The following ST7 variants were observed in gnomAD, a reference collection of about 807,000 sequenced individuals.
The protein encoded by ST7 is suppressor of tumorigenicity 7 protein.
In ST7, 28 loss-of-function variants were observed where a neutral mutation model predicts 78.7. The observed-to-expected ratio is 0.36, with a 90% CI of 0.26 to 0.49. The LOEUF (loss-of-function observed/expected upper bound fraction) is 0.49. Among genes scored for constraint, ST7 ranks in the 20% least tolerant of loss-of-function variants. The pLI, the probability that ST7 is intolerant of heterozygous loss-of-function variation, is 0.99. For missense variants in ST7, 418 were observed against 696.0 expected (o/e 0.60, Z 4.49); for synonymous variants, 247 against 249.6 (o/e 0.99, Z 0.10).
intron 1 of ST7, chr7:117,022,839 G>A (rs1266996843): frequency 6.6e-6 from 1 of 152,120 alleles, no homozygotes; most frequent in Non-Finnish European, 1.5e-5. Context: ...TGATTTACAT[G>A]CAGTAAAATG....
chr7:117,224,427 C>G (rs1485968200), intron 15 of ST7, among the ~76,000 whole-genome samples: 8 of 152,168 alleles, frequency 5.3e-5, no homozygotes, highest in Non-Finnish European at 1.2e-4. Context: ...TTGTTATTTT[C>G]TTCTACTCCC....
At chr7:117,203,201 C>T (rs1342417309) in intron 12 of ST7, among the ~76,000 whole-genome samples, 2 of 152,212 alleles carry the variant, frequency 1.3e-5, no homozygotes, top group Non-Finnish European at 1.5e-5. Flanking sequence ...CTTTTACAGC[C>T]TACTTTTTCT....
At chr7:116,964,173 T>C (rs977232452) in intron 1 of ST7, among the ~76,000 whole-genome samples, 23 of 152,324 alleles carry the variant, frequency 1.5e-4, no homozygotes, top group Non-Finnish European at 3.2e-4. Context: ...TGACCTAGAT[T>C]TAGAGTTTTG....
intron 1 of ST7, among the ~76,000 whole-genome samples, chr7:117,067,127 T>G (rs1798680521): frequency 6.6e-6 from 1 of 152,158 alleles, no homozygotes; most frequent in African/African-American, 2.4e-5. Context: ...CCATGTTTTA[T>G]TTATCCCTTC....
chr7:117,223,112 T>C (rs1399355766), intron 15 of ST7: 2 of 662,204 alleles, frequency 3.0e-6, no homozygotes, highest in Admixed American at 4.4e-5. Flanking sequence ...ACTCCCCACA[T>C]CCCATCGTCT....
chr7:117,098,337 C>T (rs1025570309), intron 1 of ST7, among the ~76,000 whole-genome samples: 1 of 151,920 alleles, frequency 6.6e-6, no homozygotes, highest in African/African-American at 2.4e-5. Context: ...GTCCTCCCAT[C>T]CCTCCTCCTG....
chr7:117,031,864 ATC>A lies in ST7; in HGVS notation c.152-67896_152-67895del, dbSNP rs1563027220. ...TCTATATCTATATCTATATCTATCTATCTATCTATATATATATATTTTTTTTT... is the reference window on the plus strand; with the variant it reads ...TCTATATCTATATCTATATCTATCTATATCTATATATATATATTTTTTTTT... On this transcript the variant is annotated intron_variant, in intron 1 of 15. Transcript: ENST00000323984. 4.0e-4 allele frequency among the ~76,000 whole-genome samples: 53 copies of A among 131,374 alleles called. 3 individuals carry two copies. The highest frequency in any genetic ancestry group is 9.3e-4 in the African/African-American group (32 of 34,578). The allele number at this position is 131,374 out of a possible 152,430, so 86.2% of individuals were successfully genotyped here.
intron 1 of ST7, among the ~76,000 whole-genome samples, chr7:117,032,662 C>T (rs921531547): frequency 6.6e-5 from 10 of 152,000 alleles, no homozygotes; most frequent in African/African-American, 2.4e-4. Flanking sequence ...AACTTGAAGC[C>T]ATGTTTGATA....
intron 1 of ST7, among the ~76,000 whole-genome samples, chr7:117,012,898 G>A (rs1795444818): frequency 6.6e-6 from 1 of 152,084 alleles, no homozygotes; most frequent in Admixed American, 6.5e-5. Flanking sequence ...ACTATAAGTA[G>A]GTTGTAGGTT....
intron 10 of ST7, among the ~76,000 whole-genome samples, chr7:117,176,616 C>T (rs1006253220): frequency 2.6e-5 from 4 of 152,166 alleles, no homozygotes; most frequent in African/African-American, 9.7e-5. Context: ...ATCATAGTTC[C>T]TTTGAAATGG....
intron 1 of ST7, chr7:116,972,025 G>A (rs562793520): frequency 6.6e-6 from 3 of 451,780 alleles, no homozygotes; most frequent in Non-Finnish European, 1.3e-5. Flanking sequence ...AAAAGACACA[G>A]GGGAGGAGCG....
Position 117,190,665 on chromosome 7 carries a change from T to C in ST7, c.1152-169T>C, listed in dbSNP as rs142507212. Among the ~76,000 whole-genome samples, 238 of 152,302 alleles carry C rather than the reference T, an allele frequency of 1.6e-3. No homozygotes were observed. Among genetic ancestry groups the C allele is most frequent in the African/African-American group, 5.6e-3 (232 of 41,566 alleles). ...ACGCTTTCTGCTTCTGCTGGGGTTT[T>C]TGCTGGCCTCGGTCCGTGGGGTCAC... On this transcript the variant is annotated intron_variant, in intron 11 of 15. Coordinates refer to ENST00000323984, the MANE Select transcript of ST7 (RefSeq NM_001369598.1). The surrounding 1 kb of genome is among the most constrained non-coding windows in gnomAD (Gnocchi z 5.2).
At chr7:116,977,658 T>C (rs537690113) in intron 1 of ST7, among the ~76,000 whole-genome samples, 2 of 152,336 alleles carry the variant, frequency 1.3e-5, no homozygotes, top group Non-Finnish European at 2.9e-5. Flanking sequence ...TTCAAGCAAT[T>C]CTCCTGCCTC....
chr7:117,049,009 T>A (rs571581835), intron 1 of ST7, among the ~76,000 whole-genome samples: 18 of 152,350 alleles, frequency 1.2e-4, no homozygotes, highest in Non-Finnish European at 1.2e-4. Flanking sequence ...ACTTCCTGAC[T>A]TCAAGGACAG....
chr7:117,164,856 G>A (rs1807418474), intron 9 of ST7, among the ~76,000 whole-genome samples: 1 of 151,070 alleles, frequency 6.6e-6, no homozygotes, highest in African/African-American at 2.4e-5. Flanking sequence ...TTTTGGTGGG[G>A]CGGGGGTGGG....
chr7:116,978,879 G>A (rs746192687), intron 1 of ST7, among the ~76,000 whole-genome samples: 41 of 152,150 alleles, frequency 2.7e-4, no homozygotes, highest in African/African-American at 9.4e-4. Flanking sequence ...GAGCCACTGC[G>A]CCTGGCCCAA....
chr7:117,032,293 CTT>C (rs1441898256), intron 1 of ST7, among the ~76,000 whole-genome samples: 4 of 152,084 alleles, frequency 2.6e-5, no homozygotes, highest in Non-Finnish European at 4.4e-5. Context: ...TGTTCTTTCT[CTT>C]GTTTGTCGTA....
chr7:117,008,448 TTATAA>T (rs1031360126), intron 1 of ST7, among the ~76,000 whole-genome samples: 3 of 152,216 alleles, frequency 2.0e-5, no homozygotes, highest in African/African-American at 7.2e-5. Flanking sequence ...TTTTCCTGGC[TTATAA>T]TATAATTGAA....
At chr7:117,141,719 G>A (rs1805318553) in intron 9 of ST7, among the ~76,000 whole-genome samples, 1 of 151,522 alleles carries the variant, frequency 6.6e-6, no homozygotes, top group South Asian at 2.1e-4. Context: ...TGCCCAGGCT[G>A]GAGTGCAGTG....
Sources: gnomAD v4.1 joint callset for allele counts (sites outside exome capture counted in the v4.1 genomes callset) on GRCh38, gnomAD v4.1.1 for gene constraint, Gnocchi (gnomAD v3.1) non-coding constraint, MANE v1.5 for transcripts, NCBI Gene and HGNC (gene_info 2026-07-23, HGNC 2026-07-21) for gene names.